Variants in ANAPC10 observed in about 807,000 individuals in gnomAD.
ANAPC10 encodes the protein anaphase-promoting complex subunit 10.
A neutral mutation model predicts 22.0 loss-of-function variants in ANAPC10; 12 were observed. The observed-to-expected ratio is 0.55, with a 90% CI of 0.35 to 0.88. The LOEUF (loss-of-function observed/expected upper bound fraction) is 0.88, where lower values mean the gene tolerates loss of function less well. Ranked by LOEUF, ANAPC10 falls within the 40% of genes least tolerant of loss-of-function variation. ANAPC10 has a pLI of 0.01. For missense variants in ANAPC10, 188 were observed against 220.9 expected (o/e 0.85, Z 0.94); for synonymous variants, 65 against 69.5 (o/e 0.94, Z 0.32).
At chr4:145,080,631 A>G (rs1745856531) in intron 3 of ANAPC10, among the ~76,000 whole-genome samples, 1 of 152,186 alleles carries the variant, frequency 6.6e-6, no homozygotes, top group Non-Finnish European at 1.5e-5. Context: ...GGTATAGGCC[A>G]GGTACAGTGG....
intron 3 of ANAPC10, among the ~76,000 whole-genome samples, chr4:145,072,772 G>T (rs1345226713): frequency 1.3e-5 from 2 of 151,856 alleles, no homozygotes; most frequent in African/African-American, 4.8e-5. Context: ...ATTTCCTTTT[G>T]GTGTTCATAA....
intron 4 of ANAPC10, among the ~76,000 whole-genome samples, chr4:145,029,364 C>T (rs1172311486): frequency 2.0e-5 from 3 of 152,162 alleles, no homozygotes; most frequent in Non-Finnish European, 4.4e-5. Context: ...CCCCGACACC[C>T]TTGTTTGCTT....
rs545888239 is a variant in ANAPC10, at chr4:145,002,293, A to G, written c.328-6690T>C. Among the ~76,000 whole-genome samples the G allele has an allele frequency of 1.2e-4, 18 of 152,302 alleles. 1 individual carries two copies. Among genetic ancestry groups the G allele is most frequent in the African/African-American group, 4.3e-4 (18 of 41,574 alleles). ...AGTTCCAAATGTGTTAAAAGGAAGC[A>G]GCTACCACAAAAGCAGCTTAAGAAG... is the stretch of plus-strand genomic sequence containing the variant. On this transcript the variant is annotated intron_variant, in intron 4 of 4. Transcript: ENST00000507656.
At chr4:145,013,966 C>T (rs1734728846) in intron 4 of ANAPC10, among the ~76,000 whole-genome samples, 1 of 152,084 alleles carries the variant, frequency 6.6e-6, no homozygotes, top group African/African-American at 2.4e-5. Context: ...CCATTCTTGC[C>T]TGGCATCACA....
chr4:145,029,933 C>T (rs546013700), intron 4 of ANAPC10, among the ~76,000 whole-genome samples: 59 of 152,272 alleles, frequency 3.9e-4, no homozygotes, highest in African/African-American at 1.3e-3. Flanking sequence ...TCAGATCTAA[C>T]GATGAGAACC....
intron 4 of ANAPC10, among the ~76,000 whole-genome samples, chr4:145,008,406 T>G (rs1211901775): frequency 6.6e-6 from 1 of 152,050 alleles, no homozygotes; most frequent in Admixed American, 6.6e-5. Context: ...TAGACCAATA[T>G]CCCTGATGAA....
At chr4:145,028,617 A>G (rs1388079990) in intron 4 of ANAPC10, among the ~76,000 whole-genome samples, 1 of 152,184 alleles carries the variant, frequency 6.6e-6, no homozygotes, top group African/African-American at 2.4e-5. Flanking sequence ...TGGCTGCTTA[A>G]TATGATTAGA....
chr4:145,070,056 A>T (rs982124674), intron 3 of ANAPC10, among the ~76,000 whole-genome samples: 5 of 152,226 alleles, frequency 3.3e-5, no homozygotes, highest in African/African-American at 1.2e-4. Flanking sequence ...GTAAATAATG[A>T]GATACATATA....
chr4:145,094,789 A>G (rs1748239876), intron 2 of ANAPC10, among the ~76,000 whole-genome samples: 1 of 152,020 alleles, frequency 6.6e-6, no homozygotes, highest in African/African-American at 2.4e-5. Context: ...GAAAAAAACA[A>G]GTTACTTAGG....
intron 4 of ANAPC10, among the ~76,000 whole-genome samples, chr4:145,050,063 A>G (rs1579035905): frequency 6.6e-6 from 1 of 152,246 alleles, no homozygotes; most frequent in African/African-American, 2.4e-5. Context: ...AGTTATTTCC[A>G]GAAGATTTTC....
intron 3 of ANAPC10, among the ~76,000 whole-genome samples, chr4:145,081,344 T>A (rs186085746): frequency 9.9e-5 from 15 of 152,078 alleles, no homozygotes; most frequent in African/African-American, 3.6e-4. Flanking sequence ...CATTAAGGTA[T>A]TGTATTGGGC....
intron 4 of ANAPC10, among the ~76,000 whole-genome samples, chr4:145,016,225 C>G (rs544394559): frequency 6.6e-6 from 1 of 152,112 alleles, no homozygotes; most frequent in Non-Finnish European, 1.5e-5. Flanking sequence ...AAAACCCCAC[C>G]GTCTCAGCCC....
intron 4 of ANAPC10, among the ~76,000 whole-genome samples, chr4:145,025,350 G>C (rs1369397331): frequency 6.9e-6 from 1 of 145,684 alleles, no homozygotes; most frequent in Non-Finnish European, 1.5e-5. Flanking sequence ...CCCCTTTTAA[G>C]CTCAGTCCTT....
At chr4:145,064,382 A>G (rs1743362477) in intron 4 of ANAPC10, 190 bp downstream of exon 4, 3 of 398,132 alleles carry the variant, frequency 7.5e-6, no homozygotes. Flanking sequence ...CAATAATAAA[A>G]TATTGTGGAA....
At chr4:145,079,477 T>C (rs1168020090) in intron 3 of ANAPC10, among the ~76,000 whole-genome samples, 4 of 152,248 alleles carry the variant, frequency 2.6e-5, no homozygotes. Context: ...TGGAGATTTC[T>C]CAAAGAATTT....
At chr4:144,997,819 C>A (rs916562525) in intron 4 of ANAPC10, among the ~76,000 whole-genome samples, 1 of 152,130 alleles carries the variant, frequency 6.6e-6, no homozygotes, top group Non-Finnish European at 1.5e-5. Context: ...CATCAGTGTG[C>A]TGCATTCAGG....
chr4:145,037,946 C>CAAAAAAAA (rs36071811), intron 4 of ANAPC10, among the ~76,000 whole-genome samples: 1 of 71,646 alleles, frequency 1.4e-5, no homozygotes, highest in African/African-American at 4.5e-5. Flanking sequence ...AACCCTGTCT[C>CAAAAAAAA]AAAAAAAAAA....
At chr4:145,072,148 G>A (rs1303786183) in intron 3 of ANAPC10, among the ~76,000 whole-genome samples, 2 of 152,120 alleles carry the variant, frequency 1.3e-5, no homozygotes, top group Non-Finnish European at 2.9e-5. Flanking sequence ...CACTAGAACT[G>A]AACACTTCTA....
chr4:145,097,216 TA>T (rs1748691052), intron 1 of ANAPC10: 3 of 327,882 alleles, frequency 9.1e-6, no homozygotes, highest in South Asian at 4.9e-5. Flanking sequence ...AGCACAAAAA[TA>T]AGAAAAAAAT....
Sources: gnomAD v4.1 joint callset for allele counts (sites outside exome capture counted in the v4.1 genomes callset) on GRCh38, gnomAD v4.1.1 for gene constraint, MANE v1.5 for transcripts, NCBI Gene and HGNC (gene_info 2026-07-23, HGNC 2026-07-21) for gene names.